Variants in EOMES observed in about 807,000 individuals in gnomAD.
EOMES encodes the protein eomesodermin, also known as eomesodermin homolog.
EOMES carries 18 observed loss-of-function variants against 61.0 expected under a neutral mutation model. The ratio of observed to expected loss-of-function variants is 0.30; its 90% CI spans 0.20 to 0.44. The LOEUF is 0.44. Ranked by LOEUF, EOMES falls within the 20% of genes least tolerant of loss-of-function variation. The pLI, the probability that EOMES is intolerant of heterozygous loss-of-function variation, is 1.00. For synonymous variants in EOMES, 430 were observed against 394.0 expected, an observed-to-expected ratio of 1.09 and a Z score of -1.08; for missense variants, 885 against 939.2, an observed-to-expected ratio of 0.94 and a Z score of 0.75.
At position 27,717,982 on chromosome 3, in the gene EOMES, T is replaced by C. The variant is rs988727789; in HGVS notation, c.1380-174A>G. On this transcript the variant is annotated intron_variant, in intron 5 of 5. Coordinates refer to ENST00000449599, the MANE Select transcript of EOMES (RefSeq NM_001278182.2). This position sits in a 1 kb window ranked among gnomAD's most constrained non-coding sequence, Gnocchi z 4.5. ...GCACTGGCCCATTTTAGCTGGACTC[T>C]TGGCTTATTGGGAAAAATTTCCCAC... Among the ~76,000 whole-genome samples, 3 of 152,158 alleles carry C rather than the reference T, an allele frequency of 2.0e-5. No individual in the cohort carries two copies. Among genetic ancestry groups the C allele is most frequent in the Non-Finnish European group, 4.4e-5 (3 of 68,032 alleles).
chr3:27,719,616 C>G (rs2060595217), intron 2 of EOMES, 135 bp from the exon 3 acceptor site: 3 of 758,388 alleles, frequency 4.0e-6, no homozygotes, highest in Non-Finnish European at 6.4e-6. Context: ...GTAAAAGTTG[C>G]TTAAAGAGGC....
Position 27,716,380 on chromosome 3 carries a change from T to TA in EOMES, c.*689_*690insT. On this transcript the variant is annotated 3_prime_UTR_variant, in exon 6 of 6. Transcript: ENST00000449599. The stretch of plus-strand genomic sequence containing the variant: ...CTGTACACTTTTAAATTCTCCCTTT[T>TA]TTTTTTTTTTTTTTTTGGTGACTCC... The TA allele has an allele frequency of 6.8e-6, 1 of 148,048 alleles. No homozygotes were observed. Among genetic ancestry groups the TA allele is most frequent in the East Asian group, 2.0e-4 (1 of 5,078 alleles). 9.2% of individuals were successfully genotyped at this position (148,048 alleles called of 1,614,324 possible). A position where few individuals can be genotyped will look rare whatever the true frequency, so the allele number is the denominator to read the frequency against.
At position 27,717,772 on chromosome 3, in the gene EOMES, T is replaced by C. The variant is rs1372507789; in HGVS notation, c.1416A>G (p.Pro472=). The C allele has an allele frequency of 2.5e-6, 4 of 1,611,372 alleles. No homozygotes were observed. The highest frequency in any genetic ancestry group is 3.4e-6 in the Non-Finnish European group (4 of 1,178,960). ...YTASENDRLT[P]SPTDSPRSHQ... ...GGGATCTAGGAGAATCCGTGGGAGA[T>C]GGAGTTAACCTGTCATTTTCTGAAG... The change falls in exon 6 of 6, where the codon CCA becomes CCG. Residue 472 remains proline (P), a synonymous_variant. Coordinates refer to ENST00000449599, the MANE Select transcript of EOMES (RefSeq NM_001278182.2). The surrounding 1 kb of genome is among the most constrained non-coding windows in gnomAD (Gnocchi z 4.5).
intron 1 of EOMES, among the ~76,000 whole-genome samples, chr3:27,720,531 CAAAAAAAAAAAAAAAAAAAA>C (rs757181277): frequency 2.2e-4 from 14 of 62,320 alleles, no homozygotes; most frequent in Non-Finnish European, 3.4e-4. Flanking sequence ...TCCGTCTTTT[CAAAAAAAAAAAAAAAAAAAA>C]AAAAAAAAAA....
chr3:27,722,440 GC>G (rs2060624517), upstream of EOMES: 2 of 1,370,136 alleles, frequency 1.5e-6, no homozygotes, highest in South Asian at 3.4e-5. Flanking sequence ...CTGCCGACTC[GC>G]GGGCCGCTAC....
In EOMES at chr3:27,717,730, T is replaced by C; in HGVS notation, c.1458A>G (p.Gly486=). ...DSPRSHQIVP[G]GRYGVQSFFP... ...AGAAGGATTGAACGCCGTACCGACCTCCAGGGACAATCTGATGGGATCTAG... is the reference window on the plus strand; with the variant it reads ...AGAAGGATTGAACGCCGTACCGACCCCCAGGGACAATCTGATGGGATCTAG... The change falls in exon 6 of 6, where the codon GGA becomes GGG. Residue 486 remains glycine (G), a synonymous_variant. Transcript: ENST00000449599. The surrounding 1 kb of genome is among the most constrained non-coding windows in gnomAD (Gnocchi z 4.5). 4 of 1,613,522 alleles carry C rather than the reference T, an allele frequency of 2.5e-6. No individual in the cohort carries two copies. Among genetic ancestry groups the C allele is most frequent in the Non-Finnish European group, 3.4e-6 (4 of 1,179,860 alleles).
chr3:27,720,025 A>G, intron 2 of EOMES, 146 bp downstream of exon 2: 1 of 698,542 alleles, frequency 1.4e-6, no homozygotes, highest in Non-Finnish European at 2.3e-6. Context: ...CAAACAAGCA[A>G]CTCAAAGACA....
At chr3:27,719,177 A>G (rs2060591905) in intron 3 of EOMES, among the ~76,000 whole-genome samples, 183 bp downstream of exon 3, 1 of 152,050 alleles carries the variant, frequency 6.6e-6, no homozygotes, top group South Asian at 2.1e-4. Flanking sequence ...ACTCACTGTT[A>G]TCGAAATCCA....
In EOMES at chr3:27,717,130, C is replaced by A; in HGVS notation, c.2058G>T (p.Glu686Asp). Residue 686 changes from glutamate (E) to aspartate (D), a missense_variant, in exon 6 of 6, where the codon GAG becomes GAT. By Grantham distance (45) the Glu-to-Asp change is conservative (BLOSUM62 2). Transcript: ENST00000449599. The surrounding 1 kb of genome is among the most constrained non-coding windows in gnomAD (Gnocchi z 4.5). ...SIKCEDINAE[E>D]YSKDTSKGMG... Reference sequence around the variant, plus strand: ...TGCCTTTTGAGGTGTCTTTACTATACTCTTCAGCATTAATGTCCTCACACT... The same window carrying A: ...TGCCTTTTGAGGTGTCTTTACTATAATCTTCAGCATTAATGTCCTCACACT... 3.1e-6 allele frequency: 5 copies of A among 1,612,302 alleles called. No individual in the cohort carries two copies. Among genetic ancestry groups the A allele is most frequent in the Non-Finnish European group, 4.2e-6 (5 of 1,178,308 alleles).
rs1559928868 is a variant in EOMES, at chr3:27,721,931, CG to C, written c.363del (p.Ala122ProfsTer18). 73 of 1,369,368 alleles carry C rather than the reference CG, an allele frequency of 5.3e-5. No homozygotes were observed. The Middle Eastern group carries it at 1.1e-3, about 20-fold the overall frequency. 84.8% of individuals were successfully genotyped at this position (1,369,368 alleles called of 1,614,324 possible). A position where few individuals can be genotyped will look rare whatever the true frequency, so the allele number is the denominator to read the frequency against. On this transcript the variant is annotated frameshift_variant, in exon 1 of 6. Transcript: ENST00000449599. LOFTEE classifies it high-confidence loss of function. This position sits in a 1 kb window ranked among gnomAD's most constrained non-coding sequence, Gnocchi z 7.4. ...EEELPSAAAAAAAAAAAAAAT... is the reference protein window; with the variant it reads ...EEELPSAAAAXAAAAAAAAAT... ...GCCGCAGCCGCGGCGGCGGCGGCGG[CG>C]GCGGCTGCAGCGGCGGAGGGCAGCT...
Position 27,721,389 on chromosome 3 carries a change from A to G in EOMES, c.881+25T>C, listed in dbSNP as rs780807286. The G allele has an allele frequency of 6.3e-7, 1 of 1,588,336 alleles. No homozygotes were observed. Among genetic ancestry groups the G allele is most frequent in the Non-Finnish European group, 8.6e-7 (1 of 1,166,188 alleles). Reference sequence around the variant, plus strand: ...CACGTCACCCTTTATCCCCGAACCCAGGGGCCCCTCCACGCTGCGCTCACC... The same window carrying G: ...CACGTCACCCTTTATCCCCGAACCCGGGGGCCCCTCCACGCTGCGCTCACC... On this transcript the variant is annotated intron_variant, in intron 1 of 5. Transcript: ENST00000449599. This position sits in a 1 kb window ranked among gnomAD's most constrained non-coding sequence, Gnocchi z 7.4.
chr3:27,716,088 CAAG>C lies in EOMES; in HGVS notation c.*979_*981del. 6.6e-6 allele frequency: 1 copy of C among 152,128 alleles called. No individual in the cohort carries two copies. The highest frequency in any genetic ancestry group is 1.9e-4 in the East Asian group (1 of 5,176). The allele number at this position is 152,128 out of a possible 1,614,324, so 9.4% of individuals were successfully genotyped here. A position where few individuals can be genotyped will look rare whatever the true frequency, so the allele number is the denominator to read the frequency against. On this transcript the variant is annotated 3_prime_UTR_variant, in exon 6 of 6. Transcript: ENST00000449599. ...ACCAAGTTAGGGAGAGGGGATGGCG[CAAG>C]AAGAGGATGAAATAGGAGTTTTCCT...
In EOMES at chr3:27,717,225, A is replaced by G. The variant is rs1251227575; in HGVS notation, c.1963T>C (p.Tyr655His). The change falls in exon 6 of 6, where the codon TAC becomes CAC. Residue 655 changes from tyrosine (Y) to histidine (H), a missense_variant. Tyr to His is a moderately conservative substitution (Grantham distance 83). Coordinates refer to ENST00000449599, the MANE Select transcript of EOMES (RefSeq NM_001278182.2). The surrounding 1 kb of genome is among the most constrained non-coding windows in gnomAD (Gnocchi z 4.5). Reference protein sequence around the residue: ...KSLDSNDSGVYTSACKRRRLS... With the variant: ...KSLDSNDSGVHTSACKRRRLS... The stretch of plus-strand genomic sequence containing the variant: ...CGCCTTCGCTTACAAGCACTGGTGT[A>G]TACTCCTGAATCATTGGAATCTAGA... The G allele has an allele frequency of 5.0e-6, 8 of 1,613,922 alleles. No homozygotes were observed. The highest frequency in any genetic ancestry group is 6.8e-6 in the Non-Finnish European group (8 of 1,179,918).
intron 3 of EOMES, 88 bp from the exon 4 acceptor site, chr3:27,718,981 G>C (rs1344872086): frequency 1.0e-6 from 1 of 1,002,012 alleles, no homozygotes; most frequent in Non-Finnish European, 1.4e-6. Context: ...ATGTATTTTG[G>C]TATTGGACTT....
At position 27,717,290 on chromosome 3, in the gene EOMES, A is replaced by G; in HGVS notation, c.1898T>C (p.Ile633Thr). Reference protein sequence around the residue: ...QLSKEKVKEEIGSSWIETPPS... With the variant: ...QLSKEKVKEETGSSWIETPPS... The stretch of plus-strand genomic sequence containing the variant: ...GGGTGTCTCTATCCAAGAAGAGCCA[A>G]TTTCCTCTTTCACTTTCTCCTTGGA... The change falls in exon 6 of 6, where the codon ATT becomes ACT. Residue 633 changes from isoleucine to threonine, a missense_variant. Physicochemically the swap from Ile to Thr is moderately conservative, Grantham distance 89. This residue lies in a region of EOMES where 259 missense variants were observed against 282.3 expected (regional missense o/e 0.92). Coordinates refer to ENST00000449599, the MANE Select transcript of EOMES (RefSeq NM_001278182.2). This position sits in a 1 kb window ranked among gnomAD's most constrained non-coding sequence, Gnocchi z 4.5. 3 of 1,614,132 alleles carry G rather than the reference A, an allele frequency of 1.9e-6. No homozygotes were observed. The highest frequency in any genetic ancestry group is 2.5e-6 in the Non-Finnish European group (3 of 1,180,000).
At chr3:27,720,071 G>A in intron 2 of EOMES, 100 bp downstream of exon 2, 1 of 1,203,550 alleles carries the variant, frequency 8.3e-7, no homozygotes, top group Non-Finnish European at 1.2e-6. Flanking sequence ...GAATGGAAGG[G>A]GAAAAAAAAA....
At position 27,717,363 on chromosome 3, in the gene EOMES, G is replaced by T; in HGVS notation, c.1825C>A (p.Pro609Thr). 1 of 1,614,136 alleles carries T rather than the reference G, an allele frequency of 6.2e-7. No homozygotes were observed. Among genetic ancestry groups the T allele is most frequent in the South Asian group, 1.1e-5 (1 of 91,086 alleles). The change falls in exon 6 of 6, where the codon CCA becomes ACA. Residue 609 changes from proline to threonine, a missense_variant. This residue lies in a region of EOMES where 259 missense variants were observed against 282.3 expected (regional missense o/e 0.92). Coordinates refer to ENST00000449599, the MANE Select transcript of EOMES (RefSeq NM_001278182.2). The surrounding 1 kb of genome is among the most constrained non-coding windows in gnomAD (Gnocchi z 4.5). ...GTGGGGCTTGTTCTGGAGGTCCATG[G>T]TAGTCCAGCTGCCATCTTCCTCTGG... is the stretch of plus-strand genomic sequence containing the variant. ...SYQRKMAAGL[P>T]WTSRTSPTVF...
In EOMES at chr3:27,717,884, T is replaced by G; in HGVS notation, c.1380-76A>C. On this transcript the variant is annotated intron_variant, in intron 5 of 5. Coordinates refer to ENST00000449599, the MANE Select transcript of EOMES (RefSeq NM_001278182.2). The surrounding 1 kb of genome is among the most constrained non-coding windows in gnomAD (Gnocchi z 4.5). ...CCCCAAACAAACCACCTCCCAGAAATGAAAAAGGCTTGTGTTGGTTATCTA... is the reference window on the plus strand; with the variant it reads ...CCCCAAACAAACCACCTCCCAGAAAGGAAAAAGGCTTGTGTTGGTTATCTA... 9.0e-7 allele frequency: 1 copy of G among 1,108,522 alleles called. No individual in the cohort carries two copies. The allele number at this position is 1,108,522 out of a possible 1,614,324, so 68.7% of individuals were successfully genotyped here.
rs537381236 is a variant in EOMES, at chr3:27,721,492, T to C, written c.803A>G (p.His268Arg). 23 of 1,613,362 alleles carry C rather than the reference T, an allele frequency of 1.4e-5. No homozygotes were observed. The East Asian group carries it at 4.7e-4, about 33-fold the overall frequency. The change falls in exon 1 of 6, where the codon CAC becomes CGC. Residue 268 changes from histidine to arginine, a missense_variant. By Grantham distance (29) the His-to-Arg change is conservative. Transcript: ENST00000449599. This position sits in a 1 kb window ranked among gnomAD's most constrained non-coding sequence, Gnocchi z 7.4. ...LGVPGSGFRA[H>R]VYLCNRPLWL... Reference sequence around the variant, plus strand: ...CAGAGGCCGGTTGCACAGGTAGACGTGGGCACGGAAGCCAGAACCTGGAAC... The same window carrying C: ...CAGAGGCCGGTTGCACAGGTAGACGCGGGCACGGAAGCCAGAACCTGGAAC...
Sources: allele counts gnomAD v4.1 joint callset (sites outside exome capture counted in the v4.1 genomes callset), GRCh38; gene constraint gnomAD v4.1.1; regional missense constraint gnomAD v4.1.1; non-coding constraint Gnocchi (gnomAD v3.1); transcripts MANE v1.5; gene names NCBI Gene and HGNC (gene_info 2026-07-23, HGNC 2026-07-21).